The following CSMD1 variants were observed in gnomAD, a reference collection of about 807,000 sequenced individuals.
CSMD1 encodes CUB and sushi domain-containing protein 1.
In CSMD1, 213 loss-of-function variants were observed where a neutral mutation model predicts 417.5. The ratio of observed to expected loss-of-function variants is 0.51; its 90% confidence interval spans 0.46 to 0.57. The LOEUF is 0.57. Among genes scored for constraint, CSMD1 ranks in the 20% least tolerant of loss-of-function variants. The probability of loss-of-function intolerance (pLI) is 0.00; values close to 1 mark genes in which losing one functional copy is unlikely to be tolerated. For missense variants in CSMD1, 6,923 were observed against 4,529.7 expected, an observed-to-expected ratio of 1.53 and a Z score of -15.17; for synonymous variants, 2,862 against 1,736.8, an observed-to-expected ratio of 1.65 and a Z score of -16.11.
intron 5 of CSMD1, among the ~76,000 whole-genome samples, chr8:3,901,719 C>G (rs754606294): frequency 4.7e-4 from 72 of 152,192 alleles, no homozygotes; most frequent in Non-Finnish European, 8.4e-4. Context: ...AAGAATGGAA[C>G]AACTGTCTTT....
chr8:3,628,803 G>A (rs754017708), intron 7 of CSMD1, among the ~76,000 whole-genome samples: 27 of 152,136 alleles, frequency 1.8e-4, no homozygotes, highest in Non-Finnish European at 2.5e-4. Flanking sequence ...TTTGGCACAC[G>A]TGTCCGAGCC....
intron 3 of CSMD1, among the ~76,000 whole-genome samples, chr8:4,297,626 T>G (rs1585182114): frequency 6.6e-6 from 1 of 152,182 alleles, no homozygotes; most frequent in African/African-American, 2.4e-5. Flanking sequence ...AAATTGAACT[T>G]GACCTTTCAA....
At chr8:3,762,752 T>C (rs1584959037) in intron 5 of CSMD1, among the ~76,000 whole-genome samples, 1 of 152,106 alleles carries the variant, frequency 6.6e-6, no homozygotes, top group Admixed American at 6.5e-5. Flanking sequence ...CTCGGCTTGG[T>C]TTATTCCCAG....
At chr8:3,370,916 C>T (rs546832081) in intron 18 of CSMD1, among the ~76,000 whole-genome samples, 1 of 151,958 alleles carries the variant, frequency 6.6e-6, no homozygotes, top group African/African-American at 2.4e-5. Context: ...GCGGAGGTTG[C>T]AGTGAGCTGA....
At chr8:3,889,942 G>C (rs756635248) in intron 5 of CSMD1, among the ~76,000 whole-genome samples, 1 of 152,140 alleles carries the variant, frequency 6.6e-6, no homozygotes, top group Non-Finnish European at 1.5e-5. Flanking sequence ...CAGACGGTTG[G>C]ATGGCTGAGG....
At chr8:3,409,829 A>G (rs1322445241) in intron 12 of CSMD1, among the ~76,000 whole-genome samples, 1 of 152,226 alleles carries the variant, frequency 6.6e-6, no homozygotes, top group African/African-American at 2.4e-5. Context: ...CTATCTTTTA[A>G]GGGATACACG....
chr8:4,992,721 G>C (rs1811538512), intron 1 of CSMD1, among the ~76,000 whole-genome samples: 1 of 152,238 alleles, frequency 6.6e-6, no homozygotes, highest in South Asian at 2.1e-4. Flanking sequence ...GCCCTGCTCA[G>C]CAGGCGCTGC....
rs539408278 is a variant in CSMD1 at position 4,197,448 on chromosome 8, G to C, written c.416-165349C>G. Among the ~76,000 whole-genome samples the C allele has an allele frequency of 6.5e-4, 99 of 152,278 alleles. 2 individuals carry two copies. In the South Asian group the frequency reaches 0.02, roughly 30 times the overall value. On this transcript the variant is annotated intron_variant, in intron 3 of 69. Transcript: ENST00000635120. ...AAAGCAGATTTCCTTCTGTAATGTA[G>C]GTGGGCCCCGTTTCATCACTTGAAG...
intron 7 of CSMD1, among the ~76,000 whole-genome samples, chr8:3,666,122 C>T (rs1434700214): frequency 6.6e-6 from 1 of 152,202 alleles, no homozygotes; most frequent in African/African-American, 2.4e-5. Flanking sequence ...TCTTGAACTT[C>T]TGACCTCAAG....
chr8:3,473,109 A>G (rs1361003698), intron 11 of CSMD1, among the ~76,000 whole-genome samples: 1 of 152,180 alleles, frequency 6.6e-6, no homozygotes, highest in Non-Finnish European at 1.5e-5. Context: ...ACACATTGAA[A>G]AGACTTATAC....
At chr8:3,886,693 A>G (rs571002942) in intron 5 of CSMD1, among the ~76,000 whole-genome samples, 2 of 152,318 alleles carry the variant, frequency 1.3e-5, no homozygotes, top group South Asian at 4.1e-4. Context: ...ACTACATGTT[A>G]GACACTTATG....
At chr8:3,269,918 T>C (rs113321337) in intron 26 of CSMD1, among the ~76,000 whole-genome samples, 6 of 152,146 alleles carry the variant, frequency 3.9e-5, no homozygotes, top group Non-Finnish European at 5.9e-5. Context: ...GAAAATTTAG[T>C]CTTCCATAAA....
chr8:3,010,889 G>A (rs918353345), intron 52 of CSMD1, among the ~76,000 whole-genome samples: 1 of 151,814 alleles, frequency 6.6e-6, no homozygotes, highest in African/African-American at 2.4e-5. Context: ...GATTACTGGT[G>A]CCCACCATTA....
intron 3 of CSMD1, among the ~76,000 whole-genome samples, chr8:4,192,887 A>T (rs150694600): frequency 1.3e-5 from 2 of 152,200 alleles, no homozygotes; most frequent in Non-Finnish European, 2.9e-5. Flanking sequence ...ACTTGATTCC[A>T]TAAGTCACAC....
At chr8:2,983,030 C>T (rs554909686) in intron 54 of CSMD1, among the ~76,000 whole-genome samples, 4 of 152,214 alleles carry the variant, frequency 2.6e-5, no homozygotes, top group South Asian at 2.1e-4. Context: ...CGTATCTATT[C>T]GATTCCAGCC....
chr8:3,123,260 C>G lies in CSMD1; in HGVS notation c.6242-4673G>C, dbSNP rs558273774. On this transcript the variant is annotated intron_variant, in intron 41 of 69. Transcript: ENST00000635120. The stretch of plus-strand genomic sequence containing the variant: ...CTGGGCCAACCTGTCAAATGCATAG[C>G]AAGGCCACCGCTGCCTCTGCCAGGG... Among the ~76,000 whole-genome samples, 3 of 152,270 alleles carry G rather than the reference C, an allele frequency of 2.0e-5. No homozygotes were observed. In the East Asian group the frequency reaches 5.8e-4, roughly 29 times the overall value.
intron 2 of CSMD1, among the ~76,000 whole-genome samples, chr8:4,444,965 G>C (rs761864619): frequency 1.2e-4 from 19 of 152,146 alleles, no homozygotes; most frequent in Non-Finnish European, 2.1e-4. Context: ...TCTCCACTGT[G>C]TTAAAGAAAT....
At chr8:3,974,563 T>C (rs1431554315) in intron 5 of CSMD1, among the ~76,000 whole-genome samples, 1 of 152,054 alleles carries the variant, frequency 6.6e-6, no homozygotes, top group Non-Finnish European at 1.5e-5. Context: ...AATGTTTGCT[T>C]TCAGAACTAG....
intron 4 of CSMD1, 60 bp downstream of exon 4, chr8:4,031,845 A>G (rs1043191404): frequency 1.1e-5 from 14 of 1,297,332 alleles, no homozygotes; most frequent in African/African-American, 1.5e-5. Flanking sequence ...TCATAAAAGC[A>G]TCTCCAAAAC....
Sources: allele counts gnomAD v4.1 joint callset (sites outside exome capture counted in the v4.1 genomes callset), GRCh38; gene constraint gnomAD v4.1.1; transcripts MANE v1.5; gene names NCBI Gene and HGNC (gene_info 2026-07-23, HGNC 2026-07-21).